The following CCDC85A variants were observed in gnomAD, a reference collection of about 807,000 sequenced individuals.
CCDC85A encodes the protein coiled-coil domain-containing protein 85A.
In CCDC85A, 38 loss-of-function variants were observed where a neutral mutation model predicts 50.2. The observed-to-expected ratio is 0.76, with a 90% CI of 0.58 to 0.99. The LOEUF (loss-of-function observed/expected upper bound fraction) is 0.99. CCDC85A is among the 50% of genes least tolerant of loss of function. CCDC85A has a pLI of 0.00. For missense variants in CCDC85A, 820 were observed against 742.0 expected (o/e 1.11, Z -1.22); for synonymous variants, 366 against 301.4 (o/e 1.21, Z -2.22).
intron 2 of CCDC85A, among the ~76,000 whole-genome samples, chr2:56,213,991 C>T (rs938158074): frequency 1.3e-5 from 2 of 151,860 alleles, no homozygotes; most frequent in African/African-American, 4.8e-5. Context: ...TGGCAGCAGA[C>T]GTGTTCAGTG....
chr2:56,306,787 G>A (rs1022959311), intron 2 of CCDC85A, among the ~76,000 whole-genome samples: 16 of 152,116 alleles, frequency 1.1e-4, no homozygotes, highest in African/African-American at 3.9e-4. Context: ...GCTAGATGTT[G>A]AGTTACAGCA....
rs138605190 is a variant in CCDC85A, at chr2:56,257,930, A to C, written c.1240+64490A>C. Among the ~76,000 whole-genome samples the C allele has an allele frequency of 1.3e-3, 202 of 152,336 alleles. 1 individual carries two copies. The highest frequency in any genetic ancestry group is 4.3e-3 in the African/African-American group (180 of 41,576). On this transcript the variant is annotated intron_variant, in intron 2 of 5. Transcript: ENST00000407595. ...ATGAAGATGGTGGTAAGATGTTGAC[A>C]TCATTTTCACCAACAGAAATAAAAA...
At chr2:56,314,942 G>A (rs1672855201) in intron 2 of CCDC85A, among the ~76,000 whole-genome samples, 1 of 152,092 alleles carries the variant, frequency 6.6e-6, no homozygotes, top group Admixed American at 6.6e-5. Context: ...GATAGAGACT[G>A]TAATTGTTCC....
chr2:56,349,350 T>A (rs1284702935), intron 3 of CCDC85A, among the ~76,000 whole-genome samples: 2 of 152,108 alleles, frequency 1.3e-5, no homozygotes, highest in Non-Finnish European at 2.9e-5. Flanking sequence ...AGGGGACAGA[T>A]GGGAGCAGCA....
At chr2:56,372,607 G>C in intron 4 of CCDC85A, 129 bp downstream of exon 4, 1 of 1,084,380 alleles carries the variant, frequency 9.2e-7, no homozygotes, top group Non-Finnish European at 1.2e-6. Context: ...GTATGTCTAA[G>C]TCTGGGGAGG....
chr2:56,220,995 C>A (rs993644337), intron 2 of CCDC85A, among the ~76,000 whole-genome samples: 1 of 152,024 alleles, frequency 6.6e-6, no homozygotes, highest in East Asian at 1.9e-4. Flanking sequence ...ACATTTGGCC[C>A]ACTGGATTGG....
intron 2 of CCDC85A, among the ~76,000 whole-genome samples, chr2:56,338,018 C>T (rs1339387729): frequency 6.6e-6 from 1 of 151,900 alleles, no homozygotes. Flanking sequence ...CTCTTGACCT[C>T]GTGATCCGCC....
intron 2 of CCDC85A, among the ~76,000 whole-genome samples, chr2:56,291,353 A>G (rs1274738522): frequency 1.3e-5 from 2 of 152,236 alleles, no homozygotes; most frequent in Admixed American, 1.3e-4. Flanking sequence ...GGTGAACAAG[A>G]CAGCATTAGA....
chr2:56,354,627 C>T (rs113126762), intron 3 of CCDC85A, among the ~76,000 whole-genome samples: 97 of 152,266 alleles, frequency 6.4e-4, no homozygotes, highest in African/African-American at 2.2e-3. Context: ...AGCTCTTGTA[C>T]ATGATCTTTT....
chr2:56,292,311 C>T (rs529107136), intron 2 of CCDC85A, among the ~76,000 whole-genome samples: 84 of 152,144 alleles, frequency 5.5e-4, no homozygotes, highest in Non-Finnish European at 1.0e-3. Context: ...TCTCAATCTC[C>T]TGACCTCGTG....
At chr2:56,366,413 C>A (rs907870427) in intron 3 of CCDC85A, among the ~76,000 whole-genome samples, 7 of 152,140 alleles carry the variant, frequency 4.6e-5, no homozygotes, top group Non-Finnish European at 1.5e-5. Flanking sequence ...TTCTTGCCAA[C>A]ACATCTTTTG....
chr2:56,372,596 T>G (rs1676131689), intron 4 of CCDC85A, 118 bp downstream of exon 4: 1 of 1,188,134 alleles, frequency 8.4e-7, no homozygotes. Context: ...GAAAGAAAGT[T>G]GTATGTCTAA....
At chr2:56,213,563 T>C (rs1677266587) in intron 2 of CCDC85A, among the ~76,000 whole-genome samples, 1 of 151,904 alleles carries the variant, frequency 6.6e-6, no homozygotes, top group Non-Finnish European at 1.5e-5. Context: ...TGCATCTTTC[T>C]AGGAGGTTAG....
intron 1 of CCDC85A, among the ~76,000 whole-genome samples, chr2:56,186,205 C>T (rs1156771337): frequency 1.3e-5 from 2 of 152,160 alleles, no homozygotes; most frequent in African/African-American, 2.4e-5. Flanking sequence ...GGCTTACTCT[C>T]TCCTGTGGTT....
rs552091364 is a variant in CCDC85A, at chr2:56,291,853, C to A, written c.1241-51026C>A. Among the ~76,000 whole-genome samples, 25 of 150,254 alleles carry A rather than the reference C, an allele frequency of 1.7e-4. No individual in the cohort carries two copies. In the East Asian group the frequency reaches 4.1e-3, roughly 25 times the overall value. On this transcript the variant is annotated intron_variant, in intron 2 of 5. Transcript: ENST00000407595. The stretch of plus-strand genomic sequence containing the variant: ...ACCTGTGAGAACGTTCACGCTGACT[C>A]CTGAAGGGAGAATTGTAGCCAGGAT...
intron 2 of CCDC85A, among the ~76,000 whole-genome samples, chr2:56,276,430 C>G (rs1488666523): frequency 6.6e-6 from 1 of 152,086 alleles, no homozygotes; most frequent in Non-Finnish European, 1.5e-5. Flanking sequence ...CCTGAAATTC[C>G]CACGTGTCGT....
At chr2:56,323,561 C>T (rs1340037982) in intron 2 of CCDC85A, among the ~76,000 whole-genome samples, 2 of 151,998 alleles carry the variant, frequency 1.3e-5, no homozygotes, top group Non-Finnish European at 2.9e-5. Flanking sequence ...ATGCTCCTTC[C>T]TGGGGAAGAA....
intron 2 of CCDC85A, among the ~76,000 whole-genome samples, chr2:56,282,055 A>G (rs1018915145): frequency 7.2e-5 from 11 of 152,118 alleles, no homozygotes; most frequent in Admixed American, 7.2e-4. Flanking sequence ...TAATTATTTT[A>G]GATTTCATCT....
chr2:56,327,533 A>T (rs1437669610), intron 2 of CCDC85A, among the ~76,000 whole-genome samples: 1 of 152,138 alleles, frequency 6.6e-6, no homozygotes, highest in Non-Finnish European at 1.5e-5. Flanking sequence ...TTCGCCTTTT[A>T]TGCTAAATCA....
Sources: allele counts gnomAD v4.1 joint callset (sites outside exome capture counted in the v4.1 genomes callset), GRCh38; gene constraint gnomAD v4.1.1; transcripts MANE v1.5; gene names NCBI Gene and HGNC (gene_info 2026-07-23, HGNC 2026-07-21).